Variants in BCAS4 observed in about 807,000 individuals in gnomAD.
BCAS4 encodes the protein breast carcinoma-amplified sequence 4.
BCAS4 carries 9 observed loss-of-function variants against 15.7 expected under a neutral mutation model. The observed-to-expected ratio is 0.57, with a 90% CI of 0.34 to 1.00. The LOEUF is 1.00. Among genes scored for constraint, BCAS4 ranks in the 50% least tolerant of loss-of-function variants. BCAS4 has a pLI of 0.02. For synonymous variants in BCAS4, 101 were observed against 99.5 expected, an observed-to-expected ratio of 1.02 and a Z score of -0.09; for missense variants, 225 against 239.1, an observed-to-expected ratio of 0.94 and a Z score of 0.39.
intron 3 of BCAS4, among the ~76,000 whole-genome samples, chr20:50,831,483 C>T (rs1258263235): frequency 6.6e-6 from 1 of 152,176 alleles, no homozygotes; most frequent in African/African-American, 2.4e-5. Context: ...TCCAGTCTTC[C>T]ACAGTCCCCA....
chr20:50,875,317 G>A (rs1389975336), intron 4 of BCAS4, among the ~76,000 whole-genome samples: 4 of 152,194 alleles, frequency 2.6e-5, no homozygotes, highest in African/African-American at 7.2e-5. Flanking sequence ...CACAGTGAGC[G>A]GCTCGATGGG....
rs1979949864 is a variant in BCAS4, at chr20:50,876,485, G to A, written c.400-1G>A. ...TAGAGCTTCATTTCTTGTCATTCCA[G>A]AAGTCACCTGCACCGGTGCCCGTGA... On this transcript the variant is annotated splice_acceptor_variant, in intron 4 of 4. Transcript: ENST00000371608. LOFTEE classifies it high-confidence loss of function. 5 of 1,612,858 alleles carry A rather than the reference G, an allele frequency of 3.1e-6. No homozygotes were observed. Among genetic ancestry groups the A allele is most frequent in the Non-Finnish European group, 4.2e-6 (5 of 1,179,604 alleles).
intron 3 of BCAS4, among the ~76,000 whole-genome samples, chr20:50,838,369 C>G (rs1175719368): frequency 3.3e-5 from 5 of 152,168 alleles, no homozygotes; most frequent in African/African-American, 9.7e-5. Context: ...TCCAGAGTGC[C>G]TGCCGGGGCT....
At chr20:50,818,026 C>T (rs1046510475) in intron 1 of BCAS4, among the ~76,000 whole-genome samples, 185 bp from the exon 2 acceptor site, 1 of 151,942 alleles carries the variant, frequency 6.6e-6, no homozygotes, top group Non-Finnish European at 1.5e-5. Flanking sequence ...AACCAGTCCT[C>T]CGTGATGGGC....
At chr20:50,875,210 G>A (rs554027622) in intron 4 of BCAS4, among the ~76,000 whole-genome samples, 3 of 152,304 alleles carry the variant, frequency 2.0e-5, no homozygotes, top group Non-Finnish European at 4.4e-5. Flanking sequence ...AGATTCCAGC[G>A]CATGGCCAGG....
downstream of BCAS4, chr20:50,880,184 C>T (rs1980090862): frequency 6.6e-6 from 1 of 152,216 alleles, no homozygotes; most frequent in African/African-American, 2.4e-5. Context: ...GACAAGTGAA[C>T]TGGAAGTAGC....
rs577216579 is a variant in BCAS4, at chr20:50,848,949, C to A, written c.399+7049C>A. Among the ~76,000 whole-genome samples the A allele has an allele frequency of 3.3e-5, 5 of 152,378 alleles. No individual in the cohort carries two copies. In the East Asian group the frequency reaches 7.7e-4, roughly 23 times the overall value. ...CAGCCATCAGCCCAGCGCCTGCTTG[C>A]GGAGGGCCCCTCACATCTGGAGATG... On this transcript the variant is annotated intron_variant, in intron 4 of 4. Coordinates refer to ENST00000371608, the MANE Select transcript of BCAS4 (RefSeq NM_198799.4).
intron 4 of BCAS4, among the ~76,000 whole-genome samples, chr20:50,852,456 G>T (rs1189350458): frequency 6.6e-6 from 1 of 151,834 alleles, no homozygotes; most frequent in African/African-American, 2.4e-5. Flanking sequence ...ATCTTAGCTC[G>T]CTGCAACCTC....
intron 2 of BCAS4, among the ~76,000 whole-genome samples, chr20:50,824,459 G>T (rs1450060733): frequency 3.3e-5 from 5 of 152,228 alleles, no homozygotes; most frequent in Non-Finnish European, 7.3e-5. Context: ...TGGGGGAAGG[G>T]TCTGGGGCCT....
At chr20:50,835,132 C>G (rs1281558566) in intron 3 of BCAS4, among the ~76,000 whole-genome samples, 2 of 152,070 alleles carry the variant, frequency 1.3e-5, no homozygotes, top group African/African-American at 4.8e-5. Context: ...TAGGAAGTTT[C>G]TAACAATTTT....
In BCAS4 at chr20:50,831,728, G is replaced by A. The variant is rs377531223; in HGVS notation, c.264+1348G>A. ...CAGTGCAGACACTCTTCATCCACCTGGGGCCCTGGGCTTGGGACCCTGGCT... is the reference window on the plus strand; with the variant it reads ...CAGTGCAGACACTCTTCATCCACCTAGGGCCCTGGGCTTGGGACCCTGGCT... On this transcript the variant is annotated intron_variant, in intron 3 of 4. Transcript: ENST00000371608. Among the ~76,000 whole-genome samples the A allele has an allele frequency of 3.3e-4, 50 of 152,198 alleles. No individual in the cohort carries two copies. In the East Asian group the frequency reaches 5.8e-3, roughly 18 times the overall value.
chr20:50,875,637 C>T (rs953265276), intron 4 of BCAS4, among the ~76,000 whole-genome samples: 3 of 151,554 alleles, frequency 2.0e-5, no homozygotes, highest in African/African-American at 7.3e-5. Context: ...AAAAATTAGC[C>T]GGGCGTGGTG....
chr20:50,822,385 A>G (rs1219100528), intron 2 of BCAS4, among the ~76,000 whole-genome samples: 4 of 152,230 alleles, frequency 2.6e-5, no homozygotes, highest in Non-Finnish European at 4.4e-5. Context: ...CTACCCCTTC[A>G]TGGAAGGAAT....
chr20:50,798,341 AAAG>A (rs2087891092), intron 1 of BCAS4, among the ~76,000 whole-genome samples: 1 of 152,068 alleles, frequency 6.6e-6, no homozygotes, highest in Non-Finnish European at 1.5e-5. Context: ...TTAAAAAAGA[AAAG>A]AAACAGGTGA....
At position 50,844,295 on chromosome 20, in the gene BCAS4, G is replaced by A. The variant is rs565428206; in HGVS notation, c.399+2395G>A. ...TGTCTCTACAAAAAAGTATCCAAGT[G>A]TGATGGCATGCACCTGTGGCCCTAG... On this transcript the variant is annotated intron_variant, in intron 4 of 4. Transcript: ENST00000371608. 2.6e-5 allele frequency among the ~76,000 whole-genome samples: 4 copies of A among 151,792 alleles called. No homozygotes were observed. The East Asian group carries it at 7.8e-4, about 30-fold the overall frequency.
At chr20:50,830,492 G>A (rs1350551499) in intron 3 of BCAS4, 112 bp downstream of exon 3, 1 of 798,694 alleles carries the variant, frequency 1.3e-6, no homozygotes. Context: ...CCCAATGCAG[G>A]GGGTTGGTGG....
chr20:50,840,392 TCAC>T (rs1202281868), intron 3 of BCAS4: 1 of 613,274 alleles, frequency 1.6e-6, no homozygotes, highest in Non-Finnish European at 3.0e-6. Flanking sequence ...ACTTCTTCCT[TCAC>T]CAACATGCAA....
intron 1 of BCAS4, among the ~76,000 whole-genome samples, chr20:50,817,963 T>G (rs2088160953): frequency 6.6e-6 from 1 of 152,064 alleles, no homozygotes; most frequent in Non-Finnish European, 1.5e-5. Flanking sequence ...CCTGTATTTG[T>G]TGATCTTGTC....
chr20:50,841,662 C>G lies in BCAS4; in HGVS notation c.265-104C>G, dbSNP rs928229594. ...GGAGCCCCATTGGAGGGAGGCTGGT[C>G]GCAGTGATGAAAGGCCTGGAGTCCC... On this transcript the variant is annotated intron_variant, in intron 3 of 4. Coordinates refer to ENST00000371608, the MANE Select transcript of BCAS4 (RefSeq NM_198799.4). 3 of 1,494,470 alleles carry G rather than the reference C, an allele frequency of 2.0e-6. No homozygotes were observed. In the Admixed American group the frequency reaches 5.5e-5, roughly 28 times the overall value. 92.6% of individuals were successfully genotyped at this position (1,494,470 alleles called of 1,614,324 possible). A position where few individuals can be genotyped will look rare whatever the true frequency, so the allele number is the denominator to read the frequency against.
Sources: gnomAD v4.1 joint callset for allele counts (sites outside exome capture counted in the v4.1 genomes callset) on GRCh38, gnomAD v4.1.1 for gene constraint, MANE v1.5 for transcripts, NCBI Gene and HGNC (gene_info 2026-07-23, HGNC 2026-07-21) for gene names.